RGS6: variants seen among roughly 807,000 people sequenced by gnomAD.
The protein encoded by RGS6 is regulator of G-protein signaling 6.
In RGS6, 30 loss-of-function variants were observed where a neutral mutation model predicts 78.5. The observed-to-expected ratio is 0.38, with a 90% confidence interval of 0.29 to 0.52. RGS6 has a LOEUF of 0.52. Among genes scored for constraint, RGS6 ranks in the 20% least tolerant of loss-of-function variants. The pLI is 0.85. For missense variants in RGS6, 495 were observed against 609.7 expected (o/e 0.81, Z 1.98); for synonymous variants, 206 against 206.0 (o/e 1.00, Z 0.00).
At chr14:72,358,337 C>T (rs1401224751) in intron 3 of RGS6, among the ~76,000 whole-genome samples, 1 of 152,196 alleles carries the variant, frequency 6.6e-6, no homozygotes, top group Non-Finnish European at 1.5e-5. Flanking sequence ...CTCCAGACTC[C>T]AGAATGGTAG....
the RGS6 span, among the ~76,000 whole-genome samples, chr14:71,916,669 A>G: frequency 6.6e-6 from 1 of 152,130 alleles, no homozygotes; most frequent in Non-Finnish European, 1.5e-5. Flanking sequence ...GAGGTCTCTG[A>G]GAGGATCAGG....
chr14:72,270,174 C>T (rs2059724608), intron 2 of RGS6, among the ~76,000 whole-genome samples: 1 of 152,264 alleles, frequency 6.6e-6, no homozygotes, highest in Middle Eastern at 3.4e-3. Context: ...TCCCCTATGC[C>T]ACGTGCTCCT....
chr14:71,931,417 G>A (rs2087852499), upstream of RGS6, among the ~76,000 whole-genome samples: 1 of 152,088 alleles, frequency 6.6e-6, no homozygotes, highest in Non-Finnish European at 1.5e-5. Flanking sequence ...GTCTATTGAA[G>A]GAAAGAATGA....
intron 2 of RGS6, among the ~76,000 whole-genome samples, chr14:72,089,640 A>G (rs2095191274): frequency 6.6e-6 from 1 of 152,256 alleles, no homozygotes; most frequent in African/African-American, 2.4e-5. Context: ...GTTTATGGAA[A>G]AAAAAATATT....
At position 72,068,170 on chromosome 14, in the gene RGS6, A is replaced by G. The variant is rs570299812; in HGVS notation, c.84+103295A>G. ...TTTTTTTGAGACAAGATCTGACGGT[A>G]TCACCCAGGCTGGAGTGCAGTGGTA... is the stretch of plus-strand genomic sequence containing the variant. On this transcript the variant is annotated intron_variant, in intron 2 of 17. Coordinates refer to ENST00000553525, the MANE Select transcript of RGS6 (RefSeq NM_001204424.2). Among the ~76,000 whole-genome samples, 8 of 148,026 alleles carry G rather than the reference A, an allele frequency of 5.4e-5. No individual in the cohort carries two copies. The South Asian group carries it at 1.5e-3, about 28-fold the overall frequency.
chr14:72,363,386 G>T (rs748047672), intron 3 of RGS6, among the ~76,000 whole-genome samples: 1 of 152,180 alleles, frequency 6.6e-6, no homozygotes. Flanking sequence ...GTACAGCCAC[G>T]CATCATTAAA....
chr14:72,338,038 CT>C (rs1047204332), intron 2 of RGS6, among the ~76,000 whole-genome samples: 4 of 152,166 alleles, frequency 2.6e-5, no homozygotes, highest in Non-Finnish European at 5.9e-5. Flanking sequence ...ACACCTTTGC[CT>C]GAGCCTGCAT....
intron 3 of RGS6, among the ~76,000 whole-genome samples, chr14:72,395,667 A>G (rs1164726197): frequency 6.6e-6 from 1 of 152,036 alleles, no homozygotes; most frequent in African/African-American, 2.4e-5. Flanking sequence ...ATATCTCCTA[A>G]TGCTATCCCT....
chr14:72,352,894 T>C (rs1046429692), intron 3 of RGS6, among the ~76,000 whole-genome samples: 1 of 152,222 alleles, frequency 6.6e-6, no homozygotes, highest in African/African-American at 2.4e-5. Flanking sequence ...ATGTATCTTT[T>C]GCTATCCAAA....
chr14:72,457,025 A>G (rs1019851843), intron 4 of RGS6, among the ~76,000 whole-genome samples: 1 of 150,744 alleles, frequency 6.6e-6, no homozygotes, highest in Non-Finnish European at 1.5e-5. Flanking sequence ...TCAAGTCTGC[A>G]ATGAGCTGTG....
chr14:72,229,985 A>G (rs950743286), intron 2 of RGS6, among the ~76,000 whole-genome samples: 1 of 152,204 alleles, frequency 6.6e-6, no homozygotes, highest in African/African-American at 2.4e-5. Flanking sequence ...CTGTGGGCCA[A>G]TCACTTGTGC....
chr14:72,356,249 T>C (rs999359465), intron 3 of RGS6, among the ~76,000 whole-genome samples: 1 of 152,050 alleles, frequency 6.6e-6, no homozygotes, highest in Non-Finnish European at 1.5e-5. Context: ...TCTCCCGTGC[T>C]GTTCTCATAA....
intron 2 of RGS6, among the ~76,000 whole-genome samples, chr14:72,102,904 A>G (rs961035115): frequency 6.6e-6 from 1 of 152,152 alleles, no homozygotes; most frequent in African/African-American, 2.4e-5. Flanking sequence ...AGGGTTCGTG[A>G]TTTAATGGTG....
At chr14:72,454,258 G>A (rs896632632) in intron 3 of RGS6, among the ~76,000 whole-genome samples, 1 of 152,164 alleles carries the variant, frequency 6.6e-6, no homozygotes, top group African/African-American at 2.4e-5. Flanking sequence ...ACGTCTCAGG[G>A]AAGTCCTCTA....
intron 2 of RGS6, among the ~76,000 whole-genome samples, chr14:72,166,043 T>C (rs922023834): frequency 6.6e-6 from 1 of 151,948 alleles, no homozygotes; most frequent in African/African-American, 2.4e-5. Flanking sequence ...GTAAAATTTA[T>C]CTTTCCTATG....
chr14:71,891,587 T>G, the RGS6 span, among the ~76,000 whole-genome samples: 1 of 152,258 alleles, frequency 6.6e-6, no homozygotes, highest in Admixed American at 6.5e-5. Context: ...ATGGTGTTGG[T>G]TGAAGCAATC....
chr14:71,889,834 A>G, the RGS6 span, among the ~76,000 whole-genome samples: 46,256 of 151,848 alleles, frequency 0.3, 10,151 homozygotes, highest in African/African-American at 0.62. Context: ...TCCCCTTGGC[A>G]CTATTCTCAT....
At chr14:72,490,657 C>G (rs961362129) in intron 12 of RGS6, among the ~76,000 whole-genome samples, 19 of 152,302 alleles carry the variant, frequency 1.2e-4, no homozygotes, top group African/African-American at 4.1e-4. Context: ...AGTTAAATGA[C>G]TCAACCAAGA....
At chr14:72,118,875 G>A (rs1412524089) in intron 2 of RGS6, among the ~76,000 whole-genome samples, 1 of 152,168 alleles carries the variant, frequency 6.6e-6, no homozygotes, top group Non-Finnish European at 1.5e-5. Context: ...ATTTATCTGA[G>A]AGAACTATGA....
Sources: gnomAD v4.1 joint callset for allele counts (sites outside exome capture counted in the v4.1 genomes callset) on GRCh38, gnomAD v4.1.1 for gene constraint, MANE v1.5 for transcripts, NCBI Gene and HGNC (gene_info 2026-07-23, HGNC 2026-07-21) for gene names.